The following GALK2 variants were observed in gnomAD, a reference collection of about 807,000 sequenced individuals.
GALK2 encodes N-acetylgalactosamine kinase.
GALK2 carries 36 observed loss-of-function variants against 52.4 expected under a neutral mutation model. The observed-to-expected ratio is 0.69, with a 90% CI of 0.53 to 0.91. The LOEUF (loss-of-function observed/expected upper bound fraction) is 0.91, where lower values mean the gene tolerates loss of function less well. Ranked by LOEUF, GALK2 falls within the 40% of genes least tolerant of loss-of-function variation. The pLI is 0.00. For synonymous variants in GALK2, 176 were observed against 199.1 expected, an observed-to-expected ratio of 0.88 and a Z score of 0.98; for missense variants, 579 against 559.1, an observed-to-expected ratio of 1.04 and a Z score of -0.36.
In GALK2 at chr15:49,270,441, A is replaced by G. The variant is rs568620265; in HGVS notation, c.505-11546A>G. Among the ~76,000 whole-genome samples, 136 of 152,334 alleles carry G rather than the reference A, an allele frequency of 8.9e-4. 5 individuals are homozygous for G. The South Asian group carries it at 0.027, about 30-fold the overall frequency. ...CTCACATGGATTCTTTAGAGCACAT[A>G]AAATATAATGAAAATCACCTCTGCA... On this transcript the variant is annotated intron_variant, in intron 5 of 9. Coordinates refer to ENST00000560031, the MANE Select transcript of GALK2 (RefSeq NM_002044.4).
chr15:49,225,108 A>G (rs989385233), intron 3 of GALK2: 33 of 427,440 alleles, frequency 7.7e-5, no homozygotes, highest in Non-Finnish European at 1.4e-4. Flanking sequence ...ATAGTGGGGT[A>G]GGGGGAGACA....
intron 2 of GALK2, 144 bp from the exon 3 acceptor site, chr15:49,217,046 T>C (rs769238823): frequency 3.3e-6 from 2 of 597,788 alleles, no homozygotes; most frequent in Non-Finnish European, 5.7e-6. Flanking sequence ...AGGGTTCTAT[T>C]TGGCCATCTT....
At chr15:49,248,418 AATGAACTGCAGCAGT>A (rs1283775942) in intron 5 of GALK2, among the ~76,000 whole-genome samples, 1 of 152,204 alleles carries the variant, frequency 6.6e-6, no homozygotes, top group African/African-American at 2.4e-5. Context: ...GTTGAGTGCT[AATGAACTGCAGCAGT>A]ATGGCCTCTG....
chr15:49,239,714 A>C (rs1209546831), intron 5 of GALK2, among the ~76,000 whole-genome samples: 1 of 152,226 alleles, frequency 6.6e-6, no homozygotes, highest in African/African-American at 2.4e-5. Context: ...CAAAACCTTA[A>C]ATTAAAAATT....
At chr15:49,162,657 A>C (rs993096027) in intron 1 of GALK2, among the ~76,000 whole-genome samples, 4 of 152,210 alleles carry the variant, frequency 2.6e-5, no homozygotes, top group African/African-American at 4.8e-5. Context: ...CAAGATTGTT[A>C]AGTCAATCCT....
intron 3 of GALK2, chr15:49,223,030 A>C (rs62009785): frequency 6.6e-6 from 1 of 152,052 alleles, no homozygotes; most frequent in African/African-American, 2.4e-5. Flanking sequence ...TCTTTGTTGG[A>C]AGCCTTTTCA....
intron 3 of GALK2, among the ~76,000 whole-genome samples, chr15:49,357,893 T>C (rs1400725267): frequency 6.6e-6 from 1 of 151,850 alleles, no homozygotes; most frequent in African/African-American, 2.4e-5. Context: ...TCCACCATGA[T>C]CAAGTGGGCT....
At position 49,319,688 on chromosome 15, in the gene GALK2, A is replaced by C. The variant is rs764382586; in HGVS notation, c.1052A>C (p.Glu351Ala). The change falls in exon 9 of 10, where the codon GAA becomes GCA. Residue 351 changes from glutamate (E) to alanine (A), a missense_variant. By Grantham distance (107) the Glu-to-Ala change is moderately radical. Transcript: ENST00000560031. ...CTCCAGTTTAAGAAGATATGTGAAG[A>C]AGCACCTGAAAACATGGTCCAGCTG... is the stretch of plus-strand genomic sequence containing the variant. ...RVLQFKKICE[E>A]APENMVQLLG... 1.2e-6 allele frequency: 2 copies of C among 1,614,146 alleles called. No individual in the cohort carries two copies. Among genetic ancestry groups the C allele is most frequent in the South Asian group, 2.2e-5 (2 of 91,066 alleles).
intron 1 of GALK2, among the ~76,000 whole-genome samples, chr15:49,171,058 C>T (rs1371388003): frequency 6.6e-6 from 1 of 150,798 alleles, no homozygotes; most frequent in Non-Finnish European, 1.5e-5. Context: ...TTTCTTCCTT[C>T]CTTTCTTTTT....
chr15:49,365,961 G>T, intron 3 of GALK2: 1 of 866,652 alleles, frequency 1.2e-6, no homozygotes, highest in South Asian at 1.3e-5. Context: ...CTAACCATTT[G>T]TGGAAGAAAT....
At chr15:49,353,676 T>C (rs905074455) in intron 3 of GALK2, 2 of 151,646 alleles carry the variant, frequency 1.3e-5, no homozygotes, top group Non-Finnish European at 2.9e-5. Flanking sequence ...AGTATAGGCT[T>C]TCCTATTCAC....
chr15:49,159,058 C>T (rs1194488110), intron 1 of GALK2: 1 of 152,176 alleles, frequency 6.6e-6, no homozygotes, highest in African/African-American at 2.4e-5. Flanking sequence ...TTGCAATCCT[C>T]CCACCTCAAC....
intron 1 of GALK2, chr15:49,156,739 G>T (rs1354642741): frequency 1.5e-5 from 8 of 549,418 alleles, no homozygotes; most frequent in Non-Finnish European, 2.4e-5. Context: ...AGAAAATAGC[G>T]CAAGAATATC....
chr15:49,324,494 G>T (rs1478008155), intron 9 of GALK2, among the ~76,000 whole-genome samples: 5 of 150,962 alleles, frequency 3.3e-5, no homozygotes, highest in Non-Finnish European at 5.9e-5. Flanking sequence ...CATGCCATTT[G>T]CAGGACCCAA....
intron 3 of GALK2, among the ~76,000 whole-genome samples, chr15:49,226,909 ACTAT>A (rs1371816998): frequency 6.6e-6 from 1 of 152,154 alleles, no homozygotes; most frequent in African/African-American, 2.4e-5. Flanking sequence ...TCTTTTTATT[ACTAT>A]CTAATTTTAA....
intron 1 of GALK2, among the ~76,000 whole-genome samples, chr15:49,190,310 G>T (rs1199441119): frequency 6.6e-6 from 1 of 151,908 alleles, no homozygotes; most frequent in East Asian, 1.9e-4. Flanking sequence ...CATAGAAATC[G>T]CAAATTGCGT....
At chr15:49,323,055 AGATAAAGGATG>A (rs2037035662) in intron 9 of GALK2, among the ~76,000 whole-genome samples, 1 of 152,054 alleles carries the variant, frequency 6.6e-6, no homozygotes, top group Non-Finnish European at 1.5e-5. Flanking sequence ...AGTGGGAATA[AGATAAAGGATG>A]GATAAAGGAT....
chr15:49,301,970 C>A (rs1180235914), intron 8 of GALK2, among the ~76,000 whole-genome samples: 1 of 152,198 alleles, frequency 6.6e-6, no homozygotes, highest in East Asian at 1.9e-4. Context: ...ATAGTTCCCA[C>A]GTGACCATTT....
chr15:49,199,781 T>C (rs950640693), intron 1 of GALK2, among the ~76,000 whole-genome samples: 4 of 152,010 alleles, frequency 2.6e-5, no homozygotes, highest in African/African-American at 9.7e-5. Context: ...GAGCAGAAAC[T>C]AAGAGGTTCA....
Sources: allele counts gnomAD v4.1 joint callset (sites outside exome capture counted in the v4.1 genomes callset), GRCh38; gene constraint gnomAD v4.1.1; transcripts MANE v1.5; gene names NCBI Gene and HGNC (gene_info 2026-07-23, HGNC 2026-07-21).